Variants in ELF5 observed in about 807,000 individuals in gnomAD.
ELF5 encodes the protein ETS-related transcription factor Elf-5.
Under a neutral mutation model 38.2 loss-of-function variants are expected in ELF5, and 31 were observed. That is an observed-to-expected ratio of 0.81 (90% CI 0.61 to 1.10). ELF5 has a LOEUF of 1.10. Ranked by LOEUF, ELF5 falls within the 50% of genes least tolerant of loss-of-function variation. ELF5 has a pLI of 0.00. For missense variants in ELF5, 300 were observed against 306.6 expected (o/e 0.98, Z 0.16); for synonymous variants, 121 against 112.5 (o/e 1.08, Z -0.48).
At chr11:34,484,482 A>ACTATCCTATC (rs769315692) in intron 4 of ELF5, among the ~76,000 whole-genome samples, 659 of 21,222 alleles carry the variant, frequency 0.031, 3 homozygotes, top group African/African-American at 0.064. Flanking sequence ...CACTATACTA[A>ACTATCCTATC]CTATACTATA....
intron 2 of ELF5, among the ~76,000 whole-genome samples, chr11:34,496,680 T>C (rs1850329562): frequency 6.6e-6 from 1 of 152,180 alleles, no homozygotes; most frequent in Admixed American, 6.5e-5. Context: ...GACCTAGAGC[T>C]TTTGCTCGCC....
At chr11:34,497,001 T>C (rs1242390659) in intron 2 of ELF5, among the ~76,000 whole-genome samples, 1 of 152,138 alleles carries the variant, frequency 6.6e-6, no homozygotes, top group East Asian at 1.9e-4. Context: ...ATTGTAATTA[T>C]AAATAATGGA....
In ELF5 at chr11:34,479,247, GA is replaced by G. The variant is rs1856868559; in HGVS notation, c.*970del. 1 of 152,532 alleles carries G rather than the reference GA, an allele frequency of 6.6e-6. No individual in the cohort carries two copies. The highest frequency in any genetic ancestry group is 2.1e-4 in the South Asian group (1 of 4,826). The allele number at this position is 152,532 out of a possible 1,614,324, so 9.4% of individuals were successfully genotyped here. A position where few individuals can be genotyped will look rare whatever the true frequency, so the allele number is the denominator to read the frequency against. ...CGGTTTTATAAACGTTTAACATCTG[GA>G]CCTGAGATGGAATCAATGAATTTCG... is the stretch of plus-strand genomic sequence containing the variant. On this transcript the variant is annotated 3_prime_UTR_variant, in exon 7 of 7. Coordinates refer to ENST00000257832, the MANE Select transcript of ELF5 (RefSeq NM_001422.4).
intron 2 of ELF5, among the ~76,000 whole-genome samples, chr11:34,504,159 G>A (rs547017766): frequency 6.6e-6 from 1 of 152,280 alleles, no homozygotes; most frequent in South Asian, 2.1e-4. Context: ...CCTGGAGCTG[G>A]GCCCCACCAC....
chr11:34,480,411 G>A, intron 6 of ELF5, 97 bp from the exon 7 acceptor site: 1 of 983,432 alleles, frequency 1.0e-6, no homozygotes, highest in African/African-American at 1.6e-5. Flanking sequence ...CAGGTGACAA[G>A]GCTGGTCTTT....
At chr11:34,492,190 C>T (rs1390190960) in intron 3 of ELF5, 1 of 152,306 alleles carries the variant, frequency 6.6e-6, no homozygotes, top group Non-Finnish European at 1.5e-5. Flanking sequence ...ACTCTGAGCA[C>T]AGGACACAGA....
At chr11:34,496,522 G>A (rs1477828409) in intron 2 of ELF5, among the ~76,000 whole-genome samples, 1 of 152,244 alleles carries the variant, frequency 6.6e-6, no homozygotes, top group Non-Finnish European at 1.5e-5. Flanking sequence ...ACGGCCCAGA[G>A]TCTTCCCACA....
intron 2 of ELF5, among the ~76,000 whole-genome samples, chr11:34,499,312 G>A (rs1306073764): frequency 6.6e-6 from 1 of 152,078 alleles, no homozygotes; most frequent in East Asian, 1.9e-4. Flanking sequence ...CTCGAACATG[G>A]CTCACCGCAG....
At chr11:34,481,046 A>T in intron 5 of ELF5, 79 bp from the exon 6 acceptor site, 1 of 1,180,840 alleles carries the variant, frequency 8.5e-7, no homozygotes, top group Non-Finnish European at 1.1e-6. Context: ...TTTTTGAGAC[A>T]GAGTCTTGCT....
At chr11:34,508,138 A>G (rs1590343764) in intron 1 of ELF5, among the ~76,000 whole-genome samples, 1 of 152,238 alleles carries the variant, frequency 6.6e-6, no homozygotes. Context: ...CACCTAAATC[A>G]GGGGTTAGCA....
At chr11:34,491,578 T>G (rs1252808877) in intron 3 of ELF5, 1 of 151,568 alleles carries the variant, frequency 6.6e-6, no homozygotes, top group Non-Finnish European at 1.5e-5. Flanking sequence ...AGGGACAGGT[T>G]TGTTTTTTTT....
intron 6 of ELF5, 75 bp downstream of exon 6, chr11:34,480,697 A>C (rs1564972110): frequency 1.3e-6 from 2 of 1,502,492 alleles, no homozygotes; most frequent in East Asian, 2.3e-5. Flanking sequence ...CTGCAAAAAC[A>C]GTGTAATTTT....
intron 4 of ELF5, among the ~76,000 whole-genome samples, chr11:34,488,166 A>G (rs1850058516): frequency 6.6e-6 from 1 of 152,042 alleles, no homozygotes; most frequent in Admixed American, 6.6e-5. Flanking sequence ...GCAGTTATGT[A>G]TTTATCATTT....
chr11:34,494,263 C>T lies in ELF5; in HGVS notation c.122-551G>A, dbSNP rs879260586. On this transcript the variant is annotated intron_variant, in intron 2 of 6. Coordinates refer to ENST00000257832, the MANE Select transcript of ELF5 (RefSeq NM_001422.4). ...AATTCAATAGTTACTAAATGCCTACCGTGTGTCAGAAACCATTTGAAGCTG... is the reference window on the plus strand; with the variant it reads ...AATTCAATAGTTACTAAATGCCTACTGTGTGTCAGAAACCATTTGAAGCTG... Among the ~76,000 whole-genome samples, 6 of 152,268 alleles carry T rather than the reference C, an allele frequency of 3.9e-5. 1 individual carries two copies. The East Asian group carries it at 7.7e-4, about 20-fold the overall frequency.
rs1303910970 is a variant in ELF5, at chr11:34,493,612, G to T, written c.222C>A (p.Thr74=). 6.2e-7 allele frequency: 1 copy of T among 1,614,050 alleles called. No individual in the cohort carries two copies. Among genetic ancestry groups the T allele is most frequent in the African/African-American group, 1.3e-5 (1 of 74,904 alleles). Reference sequence around the variant, plus strand: ...TGAAGTTGCAGAAGGAGATGCAATTGGTGTCCAACTTGTACTGGTCGCAGC... The same window carrying T: ...TGAAGTTGCAGAAGGAGATGCAATTTGTGTCCAACTTGTACTGGTCGCAGC... ...QFCCDQYKLD[T]NCISFCNFNI... The change falls in exon 3 of 7, where the codon ACC becomes ACA. Residue 74 remains threonine, a synonymous_variant. Transcript: ENST00000257832.
At chr11:34,496,404 C>A (rs879562825) in intron 2 of ELF5, among the ~76,000 whole-genome samples, 5 of 151,010 alleles carry the variant, frequency 3.3e-5, no homozygotes, top group Non-Finnish European at 7.4e-5. Flanking sequence ...GGGGTCCCAT[C>A]CTCAGGACGG....
At chr11:34,494,933 C>T (rs1850280056) in intron 2 of ELF5, among the ~76,000 whole-genome samples, 1 of 152,158 alleles carries the variant, frequency 6.6e-6, no homozygotes, top group African/African-American at 2.4e-5. Context: ...CTATTACAAA[C>T]ATTATTATTG....
intron 3 of ELF5, chr11:34,492,611 T>G (rs1850205567): frequency 6.6e-6 from 1 of 152,266 alleles, no homozygotes; most frequent in African/African-American, 2.4e-5. Context: ...TGCCATTTAC[T>G]GCATTTCCAT....
chr11:34,481,665 C>T (rs1011404682), intron 5 of ELF5, among the ~76,000 whole-genome samples: 2 of 152,110 alleles, frequency 1.3e-5, no homozygotes, highest in African/African-American at 4.8e-5. Context: ...GTGGACTGAT[C>T]CTGCAAATTC....
Sources: allele counts gnomAD v4.1 joint callset (sites outside exome capture counted in the v4.1 genomes callset), GRCh38; gene constraint gnomAD v4.1.1; transcripts MANE v1.5; gene names NCBI Gene and HGNC (gene_info 2026-07-23, HGNC 2026-07-21).